The following IKZF2 variants were observed in gnomAD, a reference collection of about 807,000 sequenced individuals.
The protein encoded by IKZF2 is zinc finger protein Helios.
In IKZF2, 15 loss-of-function variants were observed where a neutral mutation model predicts 49.2. The ratio of observed to expected loss-of-function variants is 0.30; its 90% confidence interval spans 0.20 to 0.47. The LOEUF is 0.47. Among genes scored for constraint, IKZF2 ranks in the 20% least tolerant of loss-of-function variants. The probability of loss-of-function intolerance (pLI) is 1.00; values close to 1 mark genes in which losing one functional copy is unlikely to be tolerated. For missense variants in IKZF2, 567 were observed against 664.6 expected, an observed-to-expected ratio of 0.85 and a Z score of 1.61; for synonymous variants, 227 against 221.4, an observed-to-expected ratio of 1.03 and a Z score of -0.23.
At chr2:213,150,523 G>C in intron 1 of IKZF2, 1 of 241,296 alleles carries the variant, frequency 4.1e-6, no homozygotes, top group South Asian at 5.2e-5. Context: ...CGTCCCTTAG[G>C]GATGGTCTAG....
At chr2:213,140,884 T>C (rs549831618) in intron 4 of IKZF2, among the ~76,000 whole-genome samples, 2 of 152,034 alleles carry the variant, frequency 1.3e-5, no homozygotes, top group African/African-American at 4.8e-5. Flanking sequence ...ACTGTTAAAG[T>C]AATATGGGCA....
chr2:213,078,391 T>C (rs1203036403), intron 4 of IKZF2, among the ~76,000 whole-genome samples: 2 of 152,344 alleles, frequency 1.3e-5, no homozygotes, highest in East Asian at 3.9e-4. Flanking sequence ...TATGAGAAAC[T>C]CTTTTCTTTA....
intron 4 of IKZF2, among the ~76,000 whole-genome samples, chr2:213,067,422 A>G (rs1345684283): frequency 2.0e-5 from 3 of 152,090 alleles, no homozygotes; most frequent in African/African-American, 7.2e-5. Context: ...GCAAGCATGA[A>G]GAGAGGAAAA....
intron 6 of IKZF2, among the ~76,000 whole-genome samples, chr2:213,029,260 C>T (rs1467682579): frequency 6.6e-6 from 1 of 151,884 alleles, no homozygotes; most frequent in Non-Finnish European, 1.5e-5. Context: ...TTACATTTTC[C>T]TTAAATATTT....
chr2:213,020,429 G>C (rs1445258430), intron 7 of IKZF2, among the ~76,000 whole-genome samples: 2 of 151,844 alleles, frequency 1.3e-5, no homozygotes, highest in Non-Finnish European at 2.9e-5. Context: ...GACACACCCA[G>C]ACACGAAGTA....
At chr2:213,010,900 G>A (rs542168402) in intron 8 of IKZF2, among the ~76,000 whole-genome samples, 22 of 152,164 alleles carry the variant, frequency 1.4e-4, no homozygotes, top group Middle Eastern at 3.4e-3. Context: ...ATGAATGGGG[G>A]CCTCCATTTG....
intron 4 of IKZF2, among the ~76,000 whole-genome samples, chr2:213,100,491 T>C (rs1342468084): frequency 6.6e-6 from 1 of 152,000 alleles, no homozygotes; most frequent in Non-Finnish European, 1.5e-5. Context: ...TAAAAAATAG[T>C]AAAATTGCCA....
At position 213,005,232 on chromosome 2, in the gene IKZF2, A is replaced by C. The variant is rs1695249479; in HGVS notation, c.*2128T>G. ...AGTCTCAAAAACATGCTTTATCTTTAAATAGGTTGTATGTTCACTATGTAC... is the reference window on the plus strand; with the variant it reads ...AGTCTCAAAAACATGCTTTATCTTTCAATAGGTTGTATGTTCACTATGTAC... On this transcript the variant is annotated 3_prime_UTR_variant, in exon 9 of 9. Transcript: ENST00000434687. 6.8e-6 allele frequency: 1 copy of C among 147,772 alleles called. No homozygotes were observed. Among genetic ancestry groups the C allele is most frequent in the Admixed American group, 7.1e-5 (1 of 14,142 alleles). The allele number at this position is 147,772 out of a possible 1,614,324, so 9.2% of individuals were successfully genotyped here. A position where few individuals can be genotyped will look rare whatever the true frequency, so the allele number is the denominator to read the frequency against.
At chr2:213,013,709 A>G (rs1696239611) in intron 8 of IKZF2, 82 bp downstream of exon 8, 1 of 1,243,932 alleles carries the variant, frequency 8.0e-7, no homozygotes, top group Non-Finnish European at 1.1e-6. Context: ...GAAACACACC[A>G]TATATATTTC....
In IKZF2 at chr2:213,047,312, C is replaced by T. The variant is rs115787459; in HGVS notation, c.574+2401G>A. On this transcript the variant is annotated intron_variant, in intron 6 of 8. Transcript: ENST00000434687. The stretch of plus-strand genomic sequence containing the variant: ...ATCACCACACAGAATCAGCTGGCTA[C>T]ATGGAGTGGTGAAATGGCCTACCAA... Among the ~76,000 whole-genome samples, 891 of 152,216 alleles carry T rather than the reference C, an allele frequency of 5.9e-3. 4 individuals carry two copies. Among genetic ancestry groups the T allele is most frequent in the Non-Finnish European group, 9.9e-3 (673 of 68,004 alleles).
At chr2:213,034,475 G>C (rs983135949) in intron 6 of IKZF2, among the ~76,000 whole-genome samples, 4 of 152,152 alleles carry the variant, frequency 2.6e-5, no homozygotes, top group East Asian at 1.9e-4. Flanking sequence ...TGAACACTTA[G>C]AGGCCATTGT....
intron 6 of IKZF2, 63 bp from the exon 7 acceptor site, chr2:213,022,193 A>C: frequency 7.0e-7 from 1 of 1,437,996 alleles, no homozygotes. Flanking sequence ...CAAAATCAAT[A>C]GCTAACTTTT....
intron 6 of IKZF2, among the ~76,000 whole-genome samples, chr2:213,026,940 T>C (rs920015457): frequency 1.2e-4 from 18 of 152,224 alleles, no homozygotes; most frequent in Middle Eastern, 3.4e-3. Flanking sequence ...ACGTTAATGA[T>C]TATTTTTCTT....
chr2:213,144,943 G>A (rs10932471), intron 4 of IKZF2, among the ~76,000 whole-genome samples: 66,509 of 151,570 alleles, frequency 0.44, 18,063 homozygotes, highest in East Asian at 0.91. Flanking sequence ...TCCCTCCCAA[G>A]TCACCAGTGC....
chr2:213,023,465 G>C (rs1574515037), intron 6 of IKZF2, among the ~76,000 whole-genome samples: 1 of 152,058 alleles, frequency 6.6e-6, no homozygotes, highest in South Asian at 2.1e-4. Context: ...AAAAATGCTT[G>C]GCAAACCAGC....
At chr2:213,150,112 A>G (rs924682946) in intron 2 of IKZF2, 32 bp downstream of exon 2, 22 of 1,220,784 alleles carry the variant, frequency 1.8e-5, no homozygotes, top group Non-Finnish European at 2.3e-5. Flanking sequence ...AAGGAAAAAG[A>G]AAAAGGAGAA....
intron 4 of IKZF2, among the ~76,000 whole-genome samples, chr2:213,057,546 G>A (rs932831047): frequency 2.0e-5 from 3 of 152,108 alleles, no homozygotes; most frequent in African/African-American, 7.2e-5. Context: ...TCACATCAGA[G>A]TACTTGTATA....
chr2:213,128,648 CAG>C (rs1574944314), intron 4 of IKZF2, among the ~76,000 whole-genome samples: 1 of 151,634 alleles, frequency 6.6e-6, no homozygotes, highest in South Asian at 2.1e-4. Context: ...GTTTTTCAGA[CAG>C]AGTCTCACTT....
intron 4 of IKZF2, among the ~76,000 whole-genome samples, chr2:213,139,523 C>A (rs1389645417): frequency 6.6e-6 from 1 of 151,798 alleles, no homozygotes; most frequent in African/African-American, 2.4e-5. Context: ...GTCAAGCCAA[C>A]TGGAGTGATC....
Sources: gnomAD v4.1 joint callset for allele counts (sites outside exome capture counted in the v4.1 genomes callset) on GRCh38, gnomAD v4.1.1 for gene constraint, MANE v1.5 for transcripts, NCBI Gene and HGNC (gene_info 2026-07-23, HGNC 2026-07-21) for gene names.